Variants in ZNF827 observed in about 807,000 individuals in gnomAD.
ZNF827 encodes the protein zinc finger protein 827.
Under a neutral mutation model 102.4 loss-of-function variants are expected in ZNF827, and 13 were observed. That is an observed-to-expected ratio of 0.13 (90% CI 0.08 to 0.20). The LOEUF is 0.20. Ranked by LOEUF, ZNF827 falls within the 10% of genes least tolerant of loss-of-function variation. The pLI, the probability that ZNF827 is intolerant of heterozygous loss-of-function variation, is 1.00. For missense variants in ZNF827, 1,103 were observed against 1,344.4 expected (o/e 0.82, Z 2.81); for synonymous variants, 523 against 536.2 (o/e 0.98, Z 0.34).
rs1311159459 is a variant in ZNF827, at chr4:145,902,375, G to T, written c.884C>A (p.Ala295Asp). Residue 295 changes from alanine (A) to aspartate (D), a missense_variant, in exon 2 of 15, where the codon GCC becomes GAC. This residue lies in a region of ZNF827 where 441 missense variants were observed against 458.6 expected (regional missense o/e 0.96). Coordinates refer to ENST00000508784, the MANE Select transcript of ZNF827 (RefSeq NM_001306215.2). The surrounding 1 kb of genome is among the most constrained non-coding windows in gnomAD (Gnocchi z 4.3). ...TSSAALLKEV[A>D]ARAAGSLLAE... ...CAGAAGACTGCCCGCAGCCCTTGCG[G>T]CCACCTCCTTCAGAAGGGCCGCTGA... 6.2e-7 allele frequency: 1 copy of T among 1,612,236 alleles called. No homozygotes were observed. Among genetic ancestry groups the T allele is most frequent in the East Asian group, 2.2e-5 (1 of 44,828 alleles).
At position 145,870,398 on chromosome 4, in the gene ZNF827, A is replaced by C; in HGVS notation, c.1828T>G (p.Leu610Val). The C allele has an allele frequency of 6.2e-7, 1 of 1,614,138 alleles. No homozygotes were observed. Among genetic ancestry groups the C allele is most frequent in the Non-Finnish European group, 8.5e-7 (1 of 1,180,020 alleles). ...PKEGESLSTT[L>V]PRSSYVFSPE... is the part of the protein sequence containing the mutation. ...CTGAACACATAGCTGGACCGAGGCA[A>C]AGTCGTGCTTAGGGACTCCCCTTCC... The change falls in exon 5 of 15, where the codon TTG becomes GTG. Residue 610 changes from leucine to valine, a missense_variant. Leu to Val is a conservative substitution (Grantham distance 32, BLOSUM62 1). Transcript: ENST00000508784.
chr4:145,761,112 C>A lies in ZNF827; in HGVS notation c.*504G>T. ...ACAGGAGATTCCGGGAGCTCCCGACCACCAGGAGCGGGGCCCCCGGGCCGG... is the reference window on the plus strand; with the variant it reads ...ACAGGAGATTCCGGGAGCTCCCGACAACCAGGAGCGGGGCCCCCGGGCCGG... On this transcript the variant is annotated 3_prime_UTR_variant, in exon 15 of 15. Coordinates refer to ENST00000508784, the MANE Select transcript of ZNF827 (RefSeq NM_001306215.2). This position sits in a 1 kb window ranked among gnomAD's most constrained non-coding sequence, Gnocchi z 6.8. 1 of 1,289,584 alleles carries A rather than the reference C, an allele frequency of 7.8e-7. No individual in the cohort carries two copies. Among genetic ancestry groups the A allele is most frequent in the Non-Finnish European group, 1.0e-6 (1 of 988,728 alleles). 79.9% of individuals were successfully genotyped at this position (1,289,584 alleles called of 1,614,324 possible).
intron 8 of ZNF827, among the ~76,000 whole-genome samples, chr4:145,814,064 G>A (rs535275041): frequency 6.6e-5 from 10 of 152,236 alleles, no homozygotes; most frequent in Admixed American, 2.6e-4. Flanking sequence ...CCCCAAATCC[G>A]AAATGCTCAG....
Position 145,762,383 on chromosome 4 carries a change from A to G in ZNF827, c.*17+707T>C, listed in dbSNP as rs1362295956. Among the ~76,000 whole-genome samples, 1 of 152,204 alleles carries G rather than the reference A, an allele frequency of 6.6e-6. No homozygotes were observed. The highest frequency in any genetic ancestry group is 6.5e-5 in the Admixed American group (1 of 15,280). Reference sequence around the variant, plus strand: ...TATCTGGAGCTCGAAGACATTATTAATACATGATTATGCCGGAGATAGGAT... The same window carrying G: ...TATCTGGAGCTCGAAGACATTATTAGTACATGATTATGCCGGAGATAGGAT... On this transcript the variant is annotated intron_variant, in intron 14 of 14. Coordinates refer to ENST00000508784, the MANE Select transcript of ZNF827 (RefSeq NM_001306215.2). The surrounding 1 kb of genome is among the most constrained non-coding windows in gnomAD (Gnocchi z 4.9).
At chr4:145,901,888 A>G (rs556574774) in intron 2 of ZNF827, among the ~76,000 whole-genome samples, 6 of 152,162 alleles carry the variant, frequency 3.9e-5, no homozygotes, top group African/African-American at 1.2e-4. Context: ...GCCTGAACTT[A>G]GTAAGAAAAA....
rs1409127620 is a variant in ZNF827, at chr4:145,758,881, G to C, written c.*2735C>G. 6.6e-6 allele frequency: 1 copy of C among 152,406 alleles called. No homozygotes were observed. Among genetic ancestry groups the C allele is most frequent in the Non-Finnish European group, 1.5e-5 (1 of 68,204 alleles). 9.4% of individuals were successfully genotyped at this position (152,406 alleles called of 1,614,324 possible). On this transcript the variant is annotated 3_prime_UTR_variant, in exon 15 of 15. Transcript: ENST00000508784. ...GTGTAGCACACCTACTAGGTGTGGG[G>C]AAGAGGGGCTGGCGTGGAGGGGACT...
intron 7 of ZNF827, chr4:145,830,846 G>A (rs1024195041): frequency 2.0e-5 from 3 of 152,164 alleles, no homozygotes; most frequent in Non-Finnish European, 4.4e-5. Flanking sequence ...TTCTGCAGTA[G>A]CAATCACTCT....
chr4:145,855,085 A>G (rs1018037090), intron 5 of ZNF827, among the ~76,000 whole-genome samples: 1 of 152,198 alleles, frequency 6.6e-6, no homozygotes, highest in South Asian at 2.1e-4. Flanking sequence ...TGGGCCCTCA[A>G]TCTGCTGCGA....
rs927545665 is a variant in ZNF827, at chr4:145,759,065, C to G, written c.*2551G>C. The G allele has an allele frequency of 2.0e-5, 3 of 152,168 alleles. No homozygotes were observed. The highest frequency in any genetic ancestry group is 4.4e-5 in the Non-Finnish European group (3 of 68,014). 9.4% of individuals were successfully genotyped at this position (152,168 alleles called of 1,614,324 possible). ...AAACAGATTTTAAAAAACCCCAACT[C>G]TTAGGATAACACATGATGGAAAACA... On this transcript the variant is annotated 3_prime_UTR_variant, in exon 15 of 15. Coordinates refer to ENST00000508784, the MANE Select transcript of ZNF827 (RefSeq NM_001306215.2).
At chr4:145,886,320 CTAAACA>C (rs1326097388) in intron 3 of ZNF827, among the ~76,000 whole-genome samples, 162 bp from the exon 4 acceptor site, 1 of 152,166 alleles carries the variant, frequency 6.6e-6, no homozygotes, top group African/African-American at 2.4e-5. Context: ...AGGCCAATCC[CTAAACA>C]TAAAGTGGGT....
intron 8 of ZNF827, among the ~76,000 whole-genome samples, chr4:145,807,257 C>T (rs149673640): frequency 0.016 from 2,382 of 152,226 alleles, 31 homozygotes; most frequent in Non-Finnish European, 0.025. Context: ...ATTAAGCTTA[C>T]GGCCTATTAA....
intron 2 of ZNF827, among the ~76,000 whole-genome samples, chr4:145,895,619 C>T (rs761442294): frequency 2.6e-5 from 4 of 152,302 alleles, no homozygotes; most frequent in Non-Finnish European, 5.9e-5. Flanking sequence ...ACCGAAGTAC[C>T]ATGACTGATT....
intron 8 of ZNF827, among the ~76,000 whole-genome samples, chr4:145,782,268 T>A (rs1476566021): frequency 5.3e-5 from 8 of 152,102 alleles, no homozygotes; most frequent in Non-Finnish European, 1.0e-4. Flanking sequence ...CACGGCTGGG[T>A]GGGGCCTGGC....
chr4:145,782,292 G>A (rs984859216), intron 8 of ZNF827, among the ~76,000 whole-genome samples: 4 of 152,152 alleles, frequency 2.6e-5, no homozygotes, highest in South Asian at 4.2e-4. Flanking sequence ...AGAGGCAGTC[G>A]GGGGAGGAGT....
At chr4:145,896,510 G>A (rs1011305268) in intron 2 of ZNF827, among the ~76,000 whole-genome samples, 6 of 152,280 alleles carry the variant, frequency 3.9e-5, no homozygotes, top group African/African-American at 1.2e-4. Context: ...ACAATGCCAG[G>A]TACAACATAT....
At chr4:145,880,528 T>A (rs967705065) in intron 4 of ZNF827, among the ~76,000 whole-genome samples, 1 of 152,216 alleles carries the variant, frequency 6.6e-6, no homozygotes, top group African/African-American at 2.4e-5. Flanking sequence ...TCCTACCTGC[T>A]CCTTTCTTAA....
At chr4:145,868,979 T>C (rs1291362490) in intron 5 of ZNF827, among the ~76,000 whole-genome samples, 1 of 152,210 alleles carries the variant, frequency 6.6e-6, no homozygotes, top group Admixed American at 6.5e-5. Flanking sequence ...AAAAAATGTG[T>C]TCACTTGAAC....
intron 1 of ZNF827, among the ~76,000 whole-genome samples, chr4:145,909,462 T>G (rs1006026370): frequency 6.6e-6 from 1 of 152,228 alleles, no homozygotes; most frequent in Non-Finnish European, 1.5e-5. Context: ...CCCAGGAGGC[T>G]GAAAACCTGG....
Position 145,888,220 on chromosome 4 carries a change from CTA to C in ZNF827, c.1267-2064_1267-2063del, listed in dbSNP as rs558212386. Among the ~76,000 whole-genome samples, 352 of 152,266 alleles carry C rather than the reference CTA, an allele frequency of 2.3e-3. 2 individuals carry two copies. Among genetic ancestry groups the C allele is most frequent in the African/African-American group, 8.2e-3 (339 of 41,558 alleles). ...TTTGAGCTACAACTTCCCAAAAGGA[CTA>C]TATATCACATTTGGCCTTTGAGAGA... is the stretch of plus-strand genomic sequence containing the variant. On this transcript the variant is annotated intron_variant, in intron 3 of 14. Coordinates refer to ENST00000508784, the MANE Select transcript of ZNF827 (RefSeq NM_001306215.2).
Sources: allele counts gnomAD v4.1 joint callset (sites outside exome capture counted in the v4.1 genomes callset), GRCh38; gene constraint gnomAD v4.1.1; regional missense constraint gnomAD v4.1.1; non-coding constraint Gnocchi (gnomAD v3.1); transcripts MANE v1.5; gene names NCBI Gene and HGNC (gene_info 2026-07-23, HGNC 2026-07-21).